Variants in RASA3 observed in about 807,000 individuals in gnomAD.
RASA3 encodes the protein RAS p21 protein activator 3, also known as ras GTPase-activating protein 3.
Under a neutral mutation model 110.0 loss-of-function variants are expected in RASA3, and 73 were observed. That is an observed-to-expected ratio of 0.66 (90% CI 0.55 to 0.81). The LOEUF is 0.81. Ranked by LOEUF, RASA3 falls within the 30% of genes least tolerant of loss-of-function variation. RASA3 has a pLI of 0.00. For synonymous variants in RASA3, 500 were observed against 451.4 expected (o/e 1.11, Z -1.37); for missense variants, 976 against 1,113.2 (o/e 0.88, Z 1.75).
chr13:113,994,868 G>A (rs187837898), intron 21 of RASA3, among the ~76,000 whole-genome samples: 2 of 152,322 alleles, frequency 1.3e-5, no homozygotes, highest in Non-Finnish European at 2.9e-5. Flanking sequence ...CAGGTACCTG[G>A]GAGGCTGAGG....
chr13:114,071,590 C>T (rs1280726111), intron 2 of RASA3, among the ~76,000 whole-genome samples: 7 of 152,214 alleles, frequency 4.6e-5, no homozygotes, highest in South Asian at 4.1e-4. Flanking sequence ...GCCCAGTCAT[C>T]GCCATGGCAA....
chr13:114,119,453 C>T (rs1223564121), intron 1 of RASA3, among the ~76,000 whole-genome samples: 2 of 152,162 alleles, frequency 1.3e-5, no homozygotes, highest in Admixed American at 6.5e-5. Context: ...CGCTCAGGAT[C>T]CCCCAGCAGC....
intron 8 of RASA3, 60 bp from the exon 9 acceptor site, chr13:114,021,568 T>A: frequency 7.3e-7 from 1 of 1,365,930 alleles, no homozygotes; most frequent in East Asian, 2.3e-5. Context: ...GGAGCAAAGA[T>A]GACAGGCCAC....
intron 1 of RASA3, among the ~76,000 whole-genome samples, chr13:114,088,172 A>G (rs9525174): frequency 0.46 from 69,927 of 152,108 alleles, 18,343 homozygotes; most frequent in Non-Finnish European, 0.6. Flanking sequence ...AGTCACAGAT[A>G]CACACACAAC....
chr13:114,012,308 C>T (rs2053651512), intron 15 of RASA3, among the ~76,000 whole-genome samples: 1 of 151,750 alleles, frequency 6.6e-6, no homozygotes, highest in Non-Finnish European at 1.5e-5. Context: ...GCGCATCCAC[C>T]AGCACTCCCC....
chr13:113,999,197 T>C (rs1017767189), intron 20 of RASA3, among the ~76,000 whole-genome samples: 1 of 152,210 alleles, frequency 6.6e-6, no homozygotes, highest in Non-Finnish European at 1.5e-5. Context: ...GTGCAACTTC[T>C]ATAAATTCAA....
intron 3 of RASA3, among the ~76,000 whole-genome samples, chr13:114,049,437 T>C (rs1476906528): frequency 6.6e-6 from 1 of 152,198 alleles, no homozygotes; most frequent in East Asian, 1.9e-4. Context: ...AACAGAATGA[T>C]TAATAAACAT....
chr13:114,093,588 TTCTA>T (rs1254653958), intron 1 of RASA3, among the ~76,000 whole-genome samples: 1 of 152,232 alleles, frequency 6.6e-6, no homozygotes, highest in African/African-American at 2.4e-5. Context: ...ACCTGAATAT[TTCTA>T]TCTTTCTCCA....
At position 114,048,015 on chromosome 13, in the gene RASA3, C is replaced by T. The variant is rs1385776596; in HGVS notation, c.277+4037G>A. Among the ~76,000 whole-genome samples the T allele has an allele frequency of 1.3e-5, 2 of 152,186 alleles. No individual in the cohort carries two copies. The highest frequency in any genetic ancestry group is 2.9e-5 in the Non-Finnish European group (2 of 68,046). On this transcript the variant is annotated intron_variant, in intron 3 of 23. Transcript: ENST00000334062. This position sits in a 1 kb window ranked among gnomAD's most constrained non-coding sequence, Gnocchi z 4.3. ...TCAGTTGCAGACCACCTGATTTATA[C>T]ACAAAGAACGGAGGTCTCGGCCGGG...
At chr13:114,039,925 G>C (rs1018443418) in intron 4 of RASA3, among the ~76,000 whole-genome samples, 1 of 152,184 alleles carries the variant, frequency 6.6e-6, no homozygotes, top group Admixed American at 6.5e-5. Context: ...CAATGGACAC[G>C]GGAGACCAGA....
chr13:114,026,834 C>T (rs2139363483), intron 7 of RASA3, among the ~76,000 whole-genome samples: 1 of 152,364 alleles, frequency 6.6e-6, no homozygotes, highest in South Asian at 2.1e-4. Flanking sequence ...CCACGAGATG[C>T]AGCCATCCCA....
chr13:114,027,792 C>T (rs1438540732), intron 6 of RASA3, 55 bp downstream of exon 6: 17 of 1,549,132 alleles, frequency 1.1e-5, no homozygotes, highest in Non-Finnish European at 1.4e-5. Context: ...GATTTCAGAG[C>T]TGGACCCTAG....
intron 2 of RASA3, among the ~76,000 whole-genome samples, chr13:114,061,322 A>G (rs1290929789): frequency 6.6e-6 from 1 of 151,990 alleles, no homozygotes; most frequent in Non-Finnish European, 1.5e-5. Flanking sequence ...TCCTCTTAGA[A>G]CCGCAAACTA....
chr13:114,013,921 T>C (rs1234204097), intron 14 of RASA3, among the ~76,000 whole-genome samples: 7 of 87,482 alleles, frequency 8.0e-5, no homozygotes, highest in Non-Finnish European at 1.2e-4. Flanking sequence ...TCTCTCTCTC[T>C]CCGTCTCTCT....
intron 22 of RASA3, 28 bp from the exon 23 acceptor site, chr13:113,981,886 G>T: frequency 6.3e-7 from 1 of 1,599,556 alleles, no homozygotes; most frequent in South Asian, 1.1e-5. Context: ...GTCAGCGCAG[G>T]GCAGGAGCCC....
chr13:114,002,115 CCAGA>C (rs897390937), intron 18 of RASA3, among the ~76,000 whole-genome samples: 8 of 152,290 alleles, frequency 5.3e-5, no homozygotes, highest in South Asian at 2.1e-4. Flanking sequence ...AAGAAAGTGG[CCAGA>C]CAGAGTGACT....
chr13:114,015,309 G>T lies in RASA3; in HGVS notation c.1305C>A (p.Asp435Glu), dbSNP rs374585492. 35 of 1,612,884 alleles carry T rather than the reference G, an allele frequency of 2.2e-5. No individual in the cohort carries two copies. The highest frequency in any genetic ancestry group is 2.9e-5 in the Non-Finnish European group (34 of 1,179,980). ...NNMENLRQYV[D>E]RVFHAITESG... ...ACTCAGTGATGGCGTGGAAGACGCG[G>T]TCCACATACTGCCGTAGGTTCTCCT... is the stretch of plus-strand genomic sequence containing the variant. The change falls in exon 14 of 24, where the codon GAC becomes GAA. Residue 435 changes from aspartate to glutamate, a missense_variant. This residue lies in a region of RASA3 where 732 missense variants were observed against 779.7 expected (regional missense o/e 0.94). Transcript: ENST00000334062.
chr13:114,008,902 G>A lies in RASA3; in HGVS notation c.1668+485C>T, dbSNP rs568675549. Reference sequence around the variant, plus strand: ...GCCCTGTGGTCTGGATGTTCCCCACGCACTGCGTTCCTGACTGTGGGGAGG... The same window carrying A: ...GCCCTGTGGTCTGGATGTTCCCCACACACTGCGTTCCTGACTGTGGGGAGG... On this transcript the variant is annotated intron_variant, in intron 17 of 23. Transcript: ENST00000334062. Among the ~76,000 whole-genome samples, 5 of 87,782 alleles carry A rather than the reference G, an allele frequency of 5.7e-5. 2 individuals are homozygous for A. Among genetic ancestry groups the A allele is most frequent in the Non-Finnish European group, 1.1e-4 (5 of 47,044 alleles). The allele number at this position is 87,782 out of a possible 152,430, so 57.6% of individuals were successfully genotyped here.
chr13:114,000,560 G>C (rs1370736920), intron 19 of RASA3, among the ~76,000 whole-genome samples: 1 of 152,216 alleles, frequency 6.6e-6, no homozygotes, highest in African/African-American at 2.4e-5. Context: ...GGACAGAAAA[G>C]CACCTTACTG....
Sources: allele counts gnomAD v4.1 joint callset (sites outside exome capture counted in the v4.1 genomes callset), GRCh38; gene constraint gnomAD v4.1.1; regional missense constraint gnomAD v4.1.1; non-coding constraint Gnocchi (gnomAD v3.1); transcripts MANE v1.5; gene names NCBI Gene and HGNC (gene_info 2026-07-23, HGNC 2026-07-21).